The following SHLD2 variants were observed in gnomAD, a reference collection of about 807,000 sequenced individuals.
SHLD2 encodes shieldin complex subunit 2.
A neutral mutation model predicts 73.2 loss-of-function variants in SHLD2; 30 were observed. The ratio of observed to expected loss-of-function variants is 0.41; its 90% CI spans 0.31 to 0.56. The LOEUF (loss-of-function observed/expected upper bound fraction) is 0.56, where lower values mean the gene tolerates loss of function less well. SHLD2 is among the 20% of genes least tolerant of loss of function. The pLI is 0.28. For synonymous variants in SHLD2, 285 were observed against 370.1 expected (o/e 0.77, Z 2.64); for missense variants, 745 against 1,055.9 (o/e 0.71, Z 4.08).
At chr10:87,152,992 C>T (rs2134336360) in intron 3 of SHLD2, 113 bp downstream of exon 3, 4 of 1,039,504 alleles carry the variant, frequency 3.8e-6, no homozygotes, top group East Asian at 2.4e-5. Context: ...CTCTTCTGAG[C>T]GCAGCATAAT....
At chr10:87,120,347 A>C (rs1422450175) in intron 2 of SHLD2, among the ~76,000 whole-genome samples, 2 of 151,794 alleles carry the variant, frequency 1.3e-5, no homozygotes, top group Non-Finnish European at 2.9e-5. Context: ...TCCCAGGTTC[A>C]TGCCATTCTC....
chr10:87,176,595 G>T (rs897044371), intron 7 of SHLD2, among the ~76,000 whole-genome samples: 3 of 152,254 alleles, frequency 2.0e-5, no homozygotes, highest in African/African-American at 7.2e-5. Context: ...CAGGGACAAA[G>T]AGCAAATACC....
chr10:87,115,131 A>C (rs1397706546), intron 2 of SHLD2, among the ~76,000 whole-genome samples: 2 of 151,942 alleles, frequency 1.3e-5, no homozygotes, highest in African/African-American at 4.8e-5. Flanking sequence ...GCTCACTGCA[A>C]CCTCCGCCTC....
At chr10:87,180,403 C>G in intron 8 of SHLD2, 100 bp downstream of exon 8, 1 of 1,455,406 alleles carries the variant, frequency 6.9e-7, no homozygotes, top group Non-Finnish European at 9.3e-7. Context: ...TTAACTAGAG[C>G]TAGTCGAAGA....
At chr10:87,114,587 T>C (rs1008263786) in intron 2 of SHLD2, 4 of 152,146 alleles carry the variant, frequency 2.6e-5, no homozygotes, top group African/African-American at 9.7e-5. Flanking sequence ...TAGCCAGGCA[T>C]GGTCGTGGGT....
chr10:87,106,375 T>A (rs1211365279), intron 2 of SHLD2, among the ~76,000 whole-genome samples: 1 of 152,204 alleles, frequency 6.6e-6, no homozygotes, highest in Admixed American at 6.5e-5. Context: ...ACTTGCTCTC[T>A]GCTGTCTTAC....
chr10:87,123,136 C>T (rs2476289), intron 2 of SHLD2, among the ~76,000 whole-genome samples: 1 of 152,112 alleles, frequency 6.6e-6, no homozygotes, highest in Non-Finnish European at 1.5e-5. Flanking sequence ...TGGTCTCGAA[C>T]TCCTGACCTC....
At chr10:87,118,838 A>G (rs993198401) in intron 2 of SHLD2, among the ~76,000 whole-genome samples, 4 of 152,098 alleles carry the variant, frequency 2.6e-5, no homozygotes, top group Non-Finnish European at 4.4e-5. Context: ...TGTGGAAATT[A>G]TAATAATTCA....
chr10:87,099,824 T>C (rs1171964588), intron 2 of SHLD2, among the ~76,000 whole-genome samples: 1 of 152,236 alleles, frequency 6.6e-6, no homozygotes, highest in Non-Finnish European at 1.5e-5. Context: ...ATAATCATCC[T>C]AGTGGGTATG....
upstream of SHLD2, chr10:87,094,925 T>G: frequency 2.4e-6 from 1 of 410,636 alleles, no homozygotes; most frequent in Non-Finnish European, 4.2e-6. The surrounding 1 kb of genome is among the most constrained non-coding windows in gnomAD (Gnocchi z 6.6). Context: ...GCTCGCCACC[T>G]AACGGGGAGG....
chr10:87,114,561 C>T (rs1436950976), intron 2 of SHLD2: 2 of 152,118 alleles, frequency 1.3e-5, no homozygotes, highest in Non-Finnish European at 2.9e-5. Flanking sequence ...CCCTTATCTA[C>T]TAAAAATACA....
At position 87,130,543 on chromosome 10, in the gene SHLD2, G is replaced by C. The variant is rs146537507; in HGVS notation, c.-5-20807G>C. ...ACCTAACCATGTGGTATTTAGGAAG[G>C]TACTGAGAGATTGAGCGTTTCCTAA... On this transcript the variant is annotated intron_variant, in intron 2 of 9. Coordinates refer to ENST00000298786, the MANE Select transcript of SHLD2 (RefSeq NM_001330112.2). 8.9e-3 allele frequency among the ~76,000 whole-genome samples: 1,361 copies of C among 152,088 alleles called. 17 individuals carry two copies. The highest frequency in any genetic ancestry group is 0.031 in the African/African-American group (1,294 of 41,488).
At chr10:87,107,476 C>T (rs1294471082) in intron 2 of SHLD2, among the ~76,000 whole-genome samples, 1 of 152,022 alleles carries the variant, frequency 6.6e-6, no homozygotes, top group Non-Finnish European at 1.5e-5. Context: ...TGGGGAATAC[C>T]TACTTTATAT....
chr10:87,107,107 A>AAAAAAAAAG lies in SHLD2; in HGVS notation c.-6+10119_-6+10120insAAAAAAAGA, dbSNP rs56386341. Among the ~76,000 whole-genome samples, 1,104 of 146,384 alleles carry AAAAAAAAAG rather than the reference A, an allele frequency of 7.5e-3. 15 individuals are homozygous for AAAAAAAAAG. Among genetic ancestry groups the AAAAAAAAAG allele is most frequent in the Admixed American group, 0.029 (412 of 14,090 alleles). On this transcript the variant is annotated intron_variant, in intron 2 of 9. Coordinates refer to ENST00000298786, the MANE Select transcript of SHLD2 (RefSeq NM_001330112.2). ...AGCAATAATTGGCAAAAAAAAAAAA[A>AAAAAAAAAG]AGAGATTTAAAATGTAGGATAAAGG...
chr10:87,130,010 A>G (rs537490091), intron 2 of SHLD2, among the ~76,000 whole-genome samples: 3 of 152,024 alleles, frequency 2.0e-5, no homozygotes, highest in African/African-American at 7.2e-5. Context: ...AATTCTTTTT[A>G]AATTTTAAGT....
At position 87,151,561 on chromosome 10, in the gene SHLD2, T is replaced by C; in HGVS notation, c.207T>C (p.Gly69=). Residue 69 remains glycine, a synonymous_variant, in exon 3 of 10, where the codon GGT becomes GGC. Coordinates refer to ENST00000298786, the MANE Select transcript of SHLD2 (RefSeq NM_001330112.2). The part of the protein sequence containing the change: ...LENYKVPESI[G]SPDLSGHFLA... Reference sequence around the variant, plus strand: ...ACTATAAAGTCCCAGAATCTATTGGTTCTCCAGATCTTAGTGGTCATTTCT... The same window carrying C: ...ACTATAAAGTCCCAGAATCTATTGGCTCTCCAGATCTTAGTGGTCATTTCT... The C allele has an allele frequency of 1.9e-6, 3 of 1,611,528 alleles. No individual in the cohort carries two copies. The highest frequency in any genetic ancestry group is 2.5e-6 in the Non-Finnish European group (3 of 1,179,620).
At chr10:87,115,601 A>ATGGGTTAAAACGTTCAGG (rs1383082158) in intron 2 of SHLD2, 4 of 152,006 alleles carry the variant, frequency 2.6e-5, no homozygotes, top group Admixed American at 2.6e-4. Flanking sequence ...AAACGTTCAG[A>ATGGGTTAAAACGTTCAGG]TTGTCATGGG....
chr10:87,151,415 A>G lies in SHLD2; in HGVS notation c.61A>G (p.Thr21Ala). 6.2e-7 allele frequency: 1 copy of G among 1,603,352 alleles called. No homozygotes were observed. The highest frequency in any genetic ancestry group is 8.5e-7 in the Non-Finnish European group (1 of 1,177,070). ...TGCTCCAATTGCTCCACTGAAAATC[A>G]CAGTATCAGAAGACACAGCTTCTTT... is the stretch of plus-strand genomic sequence containing the variant. ...WGAPIAPLKI[T>A]VSEDTASLMS... Residue 21 changes from threonine (T) to alanine (A), a missense_variant, in exon 3 of 10, where the codon ACA (threonine) becomes GCA (alanine). Around this residue, in one of 5 missense-constraint regions of SHLD2, gnomAD observed 280 missense variants for 353.9 expected, o/e 0.79. Coordinates refer to ENST00000298786, the MANE Select transcript of SHLD2 (RefSeq NM_001330112.2).
At chr10:87,170,308 A>G (rs1213886900) in intron 4 of SHLD2, among the ~76,000 whole-genome samples, 170 bp from the exon 5 acceptor site, 4 of 152,238 alleles carry the variant, frequency 2.6e-5, no homozygotes, top group Admixed American at 2.0e-4. Flanking sequence ...TTGTTTTTAC[A>G]TCTAAACTGA....
Sources: allele counts gnomAD v4.1 joint callset (sites outside exome capture counted in the v4.1 genomes callset), GRCh38; gene constraint gnomAD v4.1.1; regional missense constraint gnomAD v4.1.1; non-coding constraint Gnocchi (gnomAD v3.1); transcripts MANE v1.5; gene names NCBI Gene and HGNC (gene_info 2026-07-23, HGNC 2026-07-21).